The following VPS13C variants were observed in gnomAD, a reference collection of about 807,000 sequenced individuals.
VPS13C encodes vacuolar protein sorting 13 homolog C.
In VPS13C, 358 loss-of-function variants were observed where a neutral mutation model predicts 456.8. That is an observed-to-expected ratio of 0.78 (90% CI 0.72 to 0.86). The LOEUF (loss-of-function observed/expected upper bound fraction) is 0.86, where lower values mean the gene tolerates loss of function less well. Among genes scored for constraint, VPS13C ranks in the 40% least tolerant of loss-of-function variants. The pLI, the probability that VPS13C is intolerant of heterozygous loss-of-function variation, is 0.00. For synonymous variants in VPS13C, 1,578 were observed against 1,486.7 expected (o/e 1.06, Z -1.41); for missense variants, 4,818 against 4,385.4 (o/e 1.10, Z -2.79).
intron 9 of VPS13C, among the ~76,000 whole-genome samples, chr15:62,014,359 G>A (rs1386869203): frequency 1.3e-5 from 2 of 152,074 alleles, no homozygotes; most frequent in Admixed American, 6.6e-5. Flanking sequence ...AAAACCAGGA[G>A]AGTATGGAAA....
At chr15:61,964,048 TA>T (rs953571604) in intron 31 of VPS13C, 97 bp from the exon 32 acceptor site, 108 of 641,016 alleles carry the variant, frequency 1.7e-4, no homozygotes, top group South Asian at 3.6e-4. Flanking sequence ...ACTGTTATGT[TA>T]AAAAAAATTA....
intron 51 of VPS13C, among the ~76,000 whole-genome samples, chr15:61,928,524 G>GT (rs1178486969): frequency 6.6e-6 from 1 of 152,102 alleles, no homozygotes; most frequent in Non-Finnish European, 1.5e-5. Context: ...GGACATATTA[G>GT]TTTTCCAATC....
At chr15:62,012,386 A>T (rs1045361360) in intron 11 of VPS13C, among the ~76,000 whole-genome samples, 3 of 151,958 alleles carry the variant, frequency 2.0e-5, no homozygotes, top group Non-Finnish European at 4.4e-5. Context: ...TATGTCTACA[A>T]ACAACCTTGT....
intron 11 of VPS13C, 75 bp downstream of exon 11, chr15:62,012,964 A>AT (rs1280755349): frequency 1.0e-6 from 1 of 992,416 alleles, no homozygotes; most frequent in Admixed American, 2.2e-5. Flanking sequence ...TCCTGTCCTC[A>AT]TGAAGGCCCT....
At chr15:61,992,379 C>T (rs2046250118) in intron 16 of VPS13C, among the ~76,000 whole-genome samples, 1 of 152,018 alleles carries the variant, frequency 6.6e-6, no homozygotes, top group African/African-American at 2.4e-5. Flanking sequence ...AACCAAAAGG[C>T]AGAATACAGG....
At chr15:61,973,251 A>C (rs1355100174) in intron 26 of VPS13C, among the ~76,000 whole-genome samples, 3 of 152,104 alleles carry the variant, frequency 2.0e-5, no homozygotes, top group East Asian at 3.8e-4. Flanking sequence ...ACAAAAAAAA[A>C]CCCTTCATTT....
intron 29 of VPS13C, among the ~76,000 whole-genome samples, chr15:61,967,069 C>T (rs1278227896): frequency 6.6e-6 from 1 of 151,870 alleles, no homozygotes; most frequent in East Asian, 1.9e-4. Flanking sequence ...AGCCAAATGT[C>T]ACCTATATAT....
intron 9 of VPS13C, among the ~76,000 whole-genome samples, chr15:62,015,816 G>T (rs1596479885): frequency 7.2e-6 from 1 of 139,270 alleles, no homozygotes; most frequent in Non-Finnish European, 1.6e-5. Context: ...ATAGCATTGG[G>T]AGATATACCT....
intron 2 of VPS13C, among the ~76,000 whole-genome samples, chr15:62,043,642 C>T (rs1019680484): frequency 6.6e-6 from 1 of 151,750 alleles, no homozygotes; most frequent in African/African-American, 2.4e-5. Flanking sequence ...GGTTGGAAGC[C>T]GGAAAAAAAT....
intron 1 of VPS13C, among the ~76,000 whole-genome samples, chr15:62,058,524 T>G (rs983153876): frequency 2.4e-4 from 37 of 152,158 alleles, no homozygotes; most frequent in African/African-American, 8.9e-4. Flanking sequence ...AGAACAACTA[T>G]TTACATAGCA....
intron 52 of VPS13C, 129 bp from the exon 53 acceptor site, chr15:61,925,677 A>G: frequency 1.8e-6 from 1 of 552,500 alleles, no homozygotes; most frequent in Non-Finnish European, 2.9e-6. Flanking sequence ...AAAGCAAAAA[A>G]GCAAAAATAA....
chr15:62,041,029 A>G (rs2048225059), intron 3 of VPS13C, among the ~76,000 whole-genome samples: 1 of 152,198 alleles, frequency 6.6e-6, no homozygotes, highest in Non-Finnish European at 1.5e-5. Context: ...AAAGCACATA[A>G]AACTTGGAAA....
intron 3 of VPS13C, among the ~76,000 whole-genome samples, chr15:62,035,451 C>A (rs567791984): frequency 6.6e-6 from 1 of 151,870 alleles, no homozygotes; most frequent in Non-Finnish European, 1.5e-5. Context: ...GGACCAGATT[C>A]GGTGCACAAC....
rs969889580 is a variant in VPS13C, at chr15:61,901,329, CA to C, written c.9105+5934del. The stretch of plus-strand genomic sequence containing the variant: ...ACCATCAGAGTGAACAGGCAACCTA[CA>C]AAATGGGAGAAAAGTTTCGCAACCT... On this transcript the variant is annotated intron_variant, in intron 66 of 84. Coordinates refer to ENST00000644861, the MANE Select transcript of VPS13C (RefSeq NM_020821.3). 3.1e-4 allele frequency among the ~76,000 whole-genome samples: 47 copies of C among 152,050 alleles called. No individual in the cohort carries two copies. In the East Asian group the frequency reaches 7.7e-3, roughly 25 times the overall value.
At chr15:62,057,743 C>CA (rs1278431734) in intron 1 of VPS13C, among the ~76,000 whole-genome samples, 1 of 151,704 alleles carries the variant, frequency 6.6e-6, no homozygotes, top group East Asian at 1.9e-4. Flanking sequence ...TAGATTTCAC[C>CA]AAAAAAAGAC....
At chr15:61,946,250 C>T (rs1279054284) in intron 44 of VPS13C, 57 bp downstream of exon 44, 2 of 1,272,242 alleles carry the variant, frequency 1.6e-6, no homozygotes, top group East Asian at 5.0e-5. Flanking sequence ...TAAATAATAG[C>T]ATCTCAAATC....
At chr15:61,923,234 T>C (rs1333634034) in intron 53 of VPS13C, among the ~76,000 whole-genome samples, 5 of 149,858 alleles carry the variant, frequency 3.3e-5, no homozygotes, top group African/African-American at 1.2e-4. Context: ...AAGAAAAAGA[T>C]ATACATTTGC....
In VPS13C at chr15:61,911,850, G is replaced by C. The variant is rs764188365; in HGVS notation, c.8705C>G (p.Ala2902Gly). ...SMPTNKWNYI[A>G]SSECLPFWPE... ...AAAGAAAAATGCTACCTCTGAAGAA[G>C]CAATATAGTTCCATTTATTAGTTGG... is the stretch of plus-strand genomic sequence containing the variant. Residue 2902 changes from alanine to glycine, a missense_variant, in exon 63 of 85, where the codon GCT becomes GGT. This residue lies in a region of VPS13C where 4,552 missense variants were observed against 4,130.6 expected (regional missense o/e 1.10). Coordinates refer to ENST00000644861, the MANE Select transcript of VPS13C (RefSeq NM_020821.3). 6.2e-7 allele frequency: 1 copy of C among 1,600,606 alleles called. No homozygotes were observed. The highest frequency in any genetic ancestry group is 8.5e-7 in the Non-Finnish European group (1 of 1,173,834).
At chr15:61,955,993 T>A (rs1172458272) in intron 37 of VPS13C, among the ~76,000 whole-genome samples, 1 of 151,902 alleles carries the variant, frequency 6.6e-6, no homozygotes, top group African/African-American at 2.4e-5. Context: ...CAAAGAAAAA[T>A]ACCTCATTCT....
Sources: gnomAD v4.1 joint callset for allele counts (sites outside exome capture counted in the v4.1 genomes callset) on GRCh38, gnomAD v4.1.1 for gene constraint, gnomAD v4.1.1 regional missense constraint, MANE v1.5 for transcripts, NCBI Gene and HGNC (gene_info 2026-07-23, HGNC 2026-07-21) for gene names.